Variants in SMAP1 observed in about 807,000 individuals in gnomAD.
SMAP1 encodes small ArfGAP 1.
SMAP1 carries 24 observed loss-of-function variants against 58.5 expected under a neutral mutation model. The ratio of observed to expected loss-of-function variants is 0.41; its 90% confidence interval spans 0.30 to 0.58. SMAP1 has a LOEUF of 0.58. SMAP1 is among the 20% of genes least tolerant of loss of function. The pLI, the probability that SMAP1 is intolerant of heterozygous loss-of-function variation, is 0.29. For synonymous variants in SMAP1, 216 were observed against 196.6 expected (o/e 1.10, Z -0.82); for missense variants, 563 against 566.3 (o/e 0.99, Z 0.06).
rs960427126 is a variant in SMAP1, at chr6:70,836,996, C to A, written c.632C>A (p.Ala211Asp). 5 of 1,603,028 alleles carry A rather than the reference C, an allele frequency of 3.1e-6. No homozygotes were observed. The highest frequency in any genetic ancestry group is 1.3e-5 in the African/African-American group (1 of 74,390). ...AAAAAAAGTACCAGCCCTAAAAAAG[C>A]TGCGGAGCCCACTGTGGATCTTTTA... Reference protein sequence around the residue: ...EPKKSTSPKKAAEPTVDLLGL... With the variant: ...EPKKSTSPKKDAEPTVDLLGL... The change falls in exon 7 of 11, where the codon GCT becomes GAT. Residue 211 changes from alanine to aspartate, a missense_variant. Physicochemically the swap from Ala to Asp is moderately radical, Grantham distance 126. Coordinates refer to ENST00000370455, the MANE Select transcript of SMAP1 (RefSeq NM_001044305.3).
chr6:70,750,299 A>G (rs548879871), intron 2 of SMAP1, among the ~76,000 whole-genome samples: 11 of 152,266 alleles, frequency 7.2e-5, no homozygotes, highest in Non-Finnish European at 1.6e-4. Flanking sequence ...TTGCTTACTC[A>G]TTGATTCTAC....
chr6:70,705,649 A>T (rs1767808036), intron 1 of SMAP1, among the ~76,000 whole-genome samples: 1 of 152,200 alleles, frequency 6.6e-6, no homozygotes, highest in Admixed American at 6.5e-5. Context: ...AGACAGCAAG[A>T]AGGAAACATT....
At chr6:70,729,459 T>TTGTGTGTGTG (rs35058846) in intron 1 of SMAP1, among the ~76,000 whole-genome samples, 11,755 of 127,966 alleles carry the variant, frequency 0.092, 637 homozygotes, top group South Asian at 0.14. Context: ...AAAAAGAAGG[T>TTGTGTGTGTG]TGTGTGTGTG....
chr6:70,731,537 C>A (rs946625363), intron 1 of SMAP1, among the ~76,000 whole-genome samples: 16 of 152,318 alleles, frequency 1.1e-4, no homozygotes, highest in Admixed American at 1.0e-3. Context: ...TGAACTTTTC[C>A]CTGATCACAT....
At chr6:70,762,180 C>T (rs374927416) in intron 3 of SMAP1, among the ~76,000 whole-genome samples, 2 of 152,156 alleles carry the variant, frequency 1.3e-5, no homozygotes, top group Non-Finnish European at 2.9e-5. Flanking sequence ...ATCCATTTGG[C>T]TGTTCTTTGC....
At chr6:70,741,198 C>T (rs563121583) in intron 2 of SMAP1, among the ~76,000 whole-genome samples, 1 of 152,294 alleles carries the variant, frequency 6.6e-6, no homozygotes, top group East Asian at 1.9e-4. Context: ...CTCATTTCAG[C>T]ATTAACTCAA....
intron 10 of SMAP1, chr6:70,859,261 A>C: frequency 8.8e-7 from 1 of 1,137,114 alleles, no homozygotes; most frequent in Non-Finnish European, 1.2e-6. Context: ...AACATGCTGA[A>C]GCACACCCAG....
chr6:70,721,002 T>G (rs1768499990), intron 1 of SMAP1, among the ~76,000 whole-genome samples: 1 of 152,158 alleles, frequency 6.6e-6, no homozygotes, highest in African/African-American at 2.4e-5. Flanking sequence ...CAAGAAAAGT[T>G]TGGGGTTAGA....
At chr6:70,838,709 G>T (rs561186235) in intron 7 of SMAP1, among the ~76,000 whole-genome samples, 2 of 152,058 alleles carry the variant, frequency 1.3e-5, no homozygotes, top group East Asian at 3.9e-4. Context: ...TGATCTAGGG[G>T]AGAGTAGTAA....
intron 8 of SMAP1, among the ~76,000 whole-genome samples, chr6:70,855,154 C>A (rs1055845055): frequency 1.3e-5 from 2 of 150,842 alleles, no homozygotes; most frequent in East Asian, 3.9e-4. Flanking sequence ...CCTGTTTTTT[C>A]TTGGTTAAGC....
chr6:70,793,848 C>A (rs1349059173), intron 5 of SMAP1, among the ~76,000 whole-genome samples: 1 of 152,054 alleles, frequency 6.6e-6, no homozygotes, highest in African/African-American at 2.4e-5. Flanking sequence ...AATTCTTCTG[C>A]CTCAGCCTCC....
At chr6:70,680,010 C>T (rs1766635751) in intron 1 of SMAP1, among the ~76,000 whole-genome samples, 1 of 152,128 alleles carries the variant, frequency 6.6e-6, no homozygotes, top group African/African-American at 2.4e-5. Context: ...ATCTGTGGAA[C>T]ATAATACGTA....
In SMAP1 at chr6:70,702,115, T is replaced by C. The variant is rs563546832; in HGVS notation, c.119-30263T>C. 2.6e-5 allele frequency among the ~76,000 whole-genome samples: 4 copies of C among 152,326 alleles called. No individual in the cohort carries two copies. In the South Asian group the frequency reaches 8.3e-4, roughly 32 times the overall value. ...ATGTTCCTTTGTCCGTAATGCCTTTTCCCCCAGCTTCTTTTAAGATTTTTT... is the reference window on the plus strand; with the variant it reads ...ATGTTCCTTTGTCCGTAATGCCTTTCCCCCCAGCTTCTTTTAAGATTTTTT... On this transcript the variant is annotated intron_variant, in intron 1 of 10. Coordinates refer to ENST00000370455, the MANE Select transcript of SMAP1 (RefSeq NM_001044305.3).
At chr6:70,721,628 A>G (rs915245825) in intron 1 of SMAP1, among the ~76,000 whole-genome samples, 4 of 152,136 alleles carry the variant, frequency 2.6e-5, no homozygotes, top group Non-Finnish European at 5.9e-5. Context: ...AATTTACTGT[A>G]TTAATCTGTT....
chr6:70,672,826 T>G (rs531301168), intron 1 of SMAP1, among the ~76,000 whole-genome samples: 3 of 151,590 alleles, frequency 2.0e-5, no homozygotes, highest in African/African-American at 7.3e-5. Flanking sequence ...GTTCTGAAGG[T>G]GGAGTGGGAT....
intron 1 of SMAP1, among the ~76,000 whole-genome samples, chr6:70,688,139 C>T (rs773074295): frequency 6.6e-6 from 1 of 152,094 alleles, no homozygotes; most frequent in East Asian, 1.9e-4. Context: ...GTTAATAGTT[C>T]TTTTCTTTTT....
At chr6:70,783,746 T>C (rs1184670934) in intron 4 of SMAP1, among the ~76,000 whole-genome samples, 1 of 151,918 alleles carries the variant, frequency 6.6e-6, no homozygotes, top group Non-Finnish European at 1.5e-5. Flanking sequence ...AAAGGAAGTT[T>C]AGAGAAAAAA....
In SMAP1 at chr6:70,856,910, G is replaced by A; in HGVS notation, c.841G>A (p.Asp281Asn). The change falls in exon 9 of 11, where the codon GAT (aspartate) becomes AAT (asparagine). Residue 281 changes from aspartate to asparagine, a missense_variant. Transcript: ENST00000370455. ...AATLSTVTSGDLDLFTEQTTK... is the reference protein window; with the variant it reads ...AATLSTVTSGNLDLFTEQTTK... ...AACCCTGTCTACAGTAACATCTGGG[G>A]ATCTAGATTTATTCACTGAGCAAAC... is the stretch of plus-strand genomic sequence containing the variant. 1.2e-6 allele frequency: 2 copies of A among 1,613,878 alleles called. No individual in the cohort carries two copies. The highest frequency in any genetic ancestry group is 1.7e-6 in the Non-Finnish European group (2 of 1,179,824).
intron 6 of SMAP1, among the ~76,000 whole-genome samples, chr6:70,821,927 C>G (rs544058767): frequency 1.6e-4 from 24 of 152,054 alleles, no homozygotes; most frequent in Non-Finnish European, 2.1e-4. Flanking sequence ...CATGGAATTT[C>G]TAAAATGTTT....
Sources: gnomAD v4.1 joint callset for allele counts (sites outside exome capture counted in the v4.1 genomes callset) on GRCh38, gnomAD v4.1.1 for gene constraint, MANE v1.5 for transcripts, NCBI Gene and HGNC (gene_info 2026-07-23, HGNC 2026-07-21) for gene names.